SLC4A10: variants seen among roughly 807,000 people sequenced by gnomAD.
SLC4A10 encodes the protein sodium-driven chloride bicarbonate exchanger.
A neutral mutation model predicts 137.7 loss-of-function variants in SLC4A10; 42 were observed. The observed-to-expected ratio is 0.30, with a 90% CI of 0.24 to 0.39. SLC4A10 has a LOEUF of 0.39. SLC4A10 is among the 10% of genes least tolerant of loss of function. SLC4A10 has a pLI of 1.00. For missense variants in SLC4A10, 925 were observed against 1,355.0 expected (o/e 0.68, Z 4.98); for synonymous variants, 474 against 464.1 (o/e 1.02, Z -0.27).
intron 10 of SLC4A10, among the ~76,000 whole-genome samples, chr2:161,888,968 T>C (rs1272960115): frequency 6.6e-6 from 1 of 152,212 alleles, no homozygotes; most frequent in East Asian, 1.9e-4. Context: ...CATCAATACC[T>C]AGTTTATTGA....
intron 2 of SLC4A10, among the ~76,000 whole-genome samples, chr2:161,791,022 C>A (rs1043998532): frequency 3.3e-5 from 5 of 152,048 alleles, no homozygotes; most frequent in African/African-American, 9.7e-5. Flanking sequence ...TTGGTGGAAA[C>A]GTAAATTAGT....
At chr2:161,632,844 T>C (rs896562306) in intron 1 of SLC4A10, among the ~76,000 whole-genome samples, 1 of 151,678 alleles carries the variant, frequency 6.6e-6, no homozygotes, top group Admixed American at 6.6e-5. Flanking sequence ...AAAATCATCA[T>C]ATATTTTTAA....
chr2:161,862,556 T>C (rs550517232), intron 5 of SLC4A10, among the ~76,000 whole-genome samples: 1 of 152,284 alleles, frequency 6.6e-6, no homozygotes, highest in Admixed American at 6.5e-5. Context: ...CTCCCATCAG[T>C]GTGGATAATA....
intron 1 of SLC4A10, among the ~76,000 whole-genome samples, chr2:161,763,057 T>C (rs1449641): frequency 0.081 from 12,378 of 152,188 alleles, 643 homozygotes; most frequent in East Asian, 0.14. Flanking sequence ...TTAGTTATTC[T>C]TTTTTACTTC....
chr2:161,951,992 A>T (rs1247291701), intron 19 of SLC4A10, among the ~76,000 whole-genome samples: 4 of 152,168 alleles, frequency 2.6e-5, no homozygotes, highest in Non-Finnish European at 5.9e-5. Context: ...TTATTAAATG[A>T]TACATTTTAA....
At chr2:161,656,643 C>A (rs1405336341) in intron 1 of SLC4A10, among the ~76,000 whole-genome samples, 1 of 151,978 alleles carries the variant, frequency 6.6e-6, no homozygotes, top group Non-Finnish European at 1.5e-5. Context: ...TATATTTTTG[C>A]ATAAAAGTGA....
intron 15 of SLC4A10, among the ~76,000 whole-genome samples, chr2:161,909,307 T>G (rs1425279927): frequency 3.3e-5 from 5 of 152,132 alleles, no homozygotes; most frequent in African/African-American, 1.2e-4. Flanking sequence ...CCATCTCTGT[T>G]TTTTAAAAAG....
chr2:161,854,284 T>C (rs758642813), intron 4 of SLC4A10, among the ~76,000 whole-genome samples: 6 of 152,214 alleles, frequency 3.9e-5, no homozygotes, highest in Non-Finnish European at 8.8e-5. Flanking sequence ...ATCTTGCTTA[T>C]AGACAATCTA....
chr2:161,873,803 G>A (rs1006306760), intron 7 of SLC4A10, 113 bp from the exon 8 acceptor site: 16 of 1,080,036 alleles, frequency 1.5e-5, no homozygotes, highest in Admixed American at 4.4e-5. Flanking sequence ...GAATCCCTCT[G>A]ACAATGCCTA....
At chr2:161,746,947 G>A (rs941346893) in intron 1 of SLC4A10, among the ~76,000 whole-genome samples, 1 of 152,100 alleles carries the variant, frequency 6.6e-6, no homozygotes. Context: ...AGCTGAGCTG[G>A]TATCGCAGTT....
intron 15 of SLC4A10, among the ~76,000 whole-genome samples, chr2:161,914,184 C>A (rs1686544348): frequency 6.6e-6 from 1 of 152,132 alleles, no homozygotes; most frequent in Admixed American, 6.6e-5. Flanking sequence ...CTTGATAATA[C>A]AAGGTGTTCA....
At chr2:161,930,812 G>A (rs1010585688) in intron 15 of SLC4A10, among the ~76,000 whole-genome samples, 3 of 152,100 alleles carry the variant, frequency 2.0e-5, no homozygotes, top group Non-Finnish European at 4.4e-5. Flanking sequence ...AAGAAAGGAG[G>A]GAAATCACTG....
At chr2:161,698,933 G>T (rs1028812824) in intron 1 of SLC4A10, among the ~76,000 whole-genome samples, 3 of 152,000 alleles carry the variant, frequency 2.0e-5, no homozygotes, top group Non-Finnish European at 4.4e-5. Flanking sequence ...GAATCTGTCT[G>T]GTCCTGTACT....
intron 5 of SLC4A10, among the ~76,000 whole-genome samples, chr2:161,855,615 G>A (rs918179993): frequency 2.6e-5 from 4 of 152,040 alleles, no homozygotes; most frequent in African/African-American, 9.7e-5. Flanking sequence ...GATTCGTTTT[G>A]TAATTCAATA....
chr2:161,972,734 G>T (rs1050056468), intron 23 of SLC4A10, among the ~76,000 whole-genome samples: 2 of 152,174 alleles, frequency 1.3e-5, no homozygotes, highest in East Asian at 1.9e-4. Flanking sequence ...CAGAGCTCAT[G>T]CAGTCTCTGG....
chr2:161,936,161 T>C (rs1379283284), intron 15 of SLC4A10, among the ~76,000 whole-genome samples: 1 of 152,208 alleles, frequency 6.6e-6, no homozygotes, highest in Non-Finnish European at 1.5e-5. Flanking sequence ...AATTATTCTT[T>C]TACTGTGTTG....
At chr2:161,691,828 C>T (rs1021740454) in intron 1 of SLC4A10, among the ~76,000 whole-genome samples, 4 of 152,042 alleles carry the variant, frequency 2.6e-5, no homozygotes, top group African/African-American at 9.7e-5. Context: ...GAAATCCATT[C>T]TCTTGAGGAA....
chr2:161,697,789 A>G (rs376869003), intron 1 of SLC4A10, among the ~76,000 whole-genome samples: 4 of 151,578 alleles, frequency 2.6e-5, no homozygotes, highest in East Asian at 1.9e-4. Context: ...GGTGATGCGG[A>G]CTCTTTTTTG....
chr2:161,862,819 G>A, intron 5 of SLC4A10, 55 bp from the exon 6 acceptor site: 1 of 1,380,220 alleles, frequency 7.2e-7, no homozygotes, highest in Non-Finnish European at 9.5e-7. Context: ...GTTCACGGCT[G>A]GCACACGTTC....
Sources: allele counts gnomAD v4.1 joint callset (sites outside exome capture counted in the v4.1 genomes callset), GRCh38; gene constraint gnomAD v4.1.1; transcripts MANE v1.5; gene names NCBI Gene and HGNC (gene_info 2026-07-23, HGNC 2026-07-21).